The following OTUD7A variants were observed in gnomAD, a reference collection of about 807,000 sequenced individuals.
OTUD7A encodes OTU deubiquitinase 7A.
Under a neutral mutation model 65.7 loss-of-function variants are expected in OTUD7A, and 12 were observed. That is an observed-to-expected ratio of 0.18 (90% confidence interval 0.12 to 0.30). The LOEUF is 0.30. OTUD7A is among the 10% of genes least tolerant of loss of function. OTUD7A has a pLI of 1.00. For missense variants in OTUD7A, 1,148 were observed against 1,304.8 expected, an observed-to-expected ratio of 0.88 and a Z score of 1.85; for synonymous variants, 641 against 586.3, an observed-to-expected ratio of 1.09 and a Z score of -1.35.
At chr15:31,822,822 G>T (rs534903840) in intron 1 of OTUD7A, among the ~76,000 whole-genome samples, 47 of 152,302 alleles carry the variant, frequency 3.1e-4, no homozygotes, top group Admixed American at 3.1e-3. Flanking sequence ...TCTTTGTATA[G>T]ACTTGACCTC....
At chr15:31,783,509 C>T (rs1447818674) in intron 1 of OTUD7A, among the ~76,000 whole-genome samples, 8 of 152,208 alleles carry the variant, frequency 5.3e-5, no homozygotes, top group Admixed American at 3.3e-4. Context: ...ATCAAACACT[C>T]AAACTTACAA....
chr15:31,563,130 C>T (rs1888748867), intron 4 of OTUD7A, among the ~76,000 whole-genome samples: 1 of 152,120 alleles, frequency 6.6e-6, no homozygotes, highest in Non-Finnish European at 1.5e-5. Context: ...TTACTAGGCC[C>T]TGATTCTGCC....
intron 8 of OTUD7A, among the ~76,000 whole-genome samples, chr15:31,525,188 G>A (rs1305870452): frequency 1.3e-5 from 2 of 152,170 alleles, no homozygotes; most frequent in African/African-American, 4.8e-5. Context: ...AAACGATGTC[G>A]AGGAACACTT....
intron 1 of OTUD7A, among the ~76,000 whole-genome samples, chr15:31,676,607 C>A (rs952014974): frequency 2.6e-5 from 4 of 152,112 alleles, no homozygotes; most frequent in African/African-American, 9.7e-5. Flanking sequence ...GTCAAGAGAA[C>A]CTGAAAGATG....
chr15:31,618,248 T>G, intron 3 of OTUD7A, among the ~76,000 whole-genome samples: 1 of 152,220 alleles, frequency 6.6e-6, no homozygotes, highest in African/African-American at 2.4e-5. Context: ...TACATGTGCA[T>G]GTGTCTTTAT....
At chr15:31,767,734 A>T in intron 1 of OTUD7A, 2 of 712,992 alleles carry the variant, frequency 2.8e-6, no homozygotes, top group Non-Finnish European at 5.2e-6. Context: ...TTTTCTCGGC[A>T]TTTTCCTGAG....
At chr15:31,839,587 A>T (rs113705229) in intron 1 of OTUD7A, among the ~76,000 whole-genome samples, 2 of 152,218 alleles carry the variant, frequency 1.3e-5, no homozygotes, top group Non-Finnish European at 2.9e-5. Context: ...GCACCTGCAC[A>T]GAAGCACGTG....
At chr15:31,815,882 T>C (rs1896536120) in intron 1 of OTUD7A, among the ~76,000 whole-genome samples, 1 of 152,216 alleles carries the variant, frequency 6.6e-6, no homozygotes, top group African/African-American at 2.4e-5. Flanking sequence ...CTCTCTCTCT[T>C]TGCCCATAGG....
intron 1 of OTUD7A, among the ~76,000 whole-genome samples, chr15:31,680,841 C>T (rs939719642): frequency 3.9e-5 from 6 of 151,914 alleles, no homozygotes; most frequent in African/African-American, 1.5e-4. Flanking sequence ...GCACAAACCC[C>T]GGGGAAAGGC....
At chr15:31,527,429 C>T (rs2042030377) in intron 6 of OTUD7A, 121 bp from the exon 7 acceptor site, 3 of 1,308,436 alleles carry the variant, frequency 2.3e-6, no homozygotes, top group Non-Finnish European at 3.1e-6. Flanking sequence ...AGAACAGCCT[C>T]CTTACTCAGC....
At position 31,487,301 on chromosome 15, in the gene OTUD7A, T is replaced by C; in HGVS notation, c.1287-23A>G. ...AGGCTGGCAAGAGAAGAATATCCTA[T>C]TGAAATGGTCTGAGCTGGCCCTTAT... On this transcript the variant is annotated intron_variant, in intron 11 of 12. Transcript: ENST00000307050. This position sits in a 1 kb window ranked among gnomAD's most constrained non-coding sequence, Gnocchi z 6.0. 6.2e-7 allele frequency: 1 copy of C among 1,612,670 alleles called. No homozygotes were observed. Among genetic ancestry groups the C allele is most frequent in the Non-Finnish European group, 8.5e-7 (1 of 1,178,866 alleles).
At chr15:31,560,110 T>C (rs1888641623) in intron 4 of OTUD7A, among the ~76,000 whole-genome samples, 1 of 152,254 alleles carries the variant, frequency 6.6e-6, no homozygotes, top group Non-Finnish European at 1.5e-5. Flanking sequence ...CTCCCAGGAC[T>C]AAATGGTACA....
rs778782844 is a variant in OTUD7A at position 31,484,636 on chromosome 15, G to A, written c.1460C>T (p.Ser487Leu). 2 of 1,590,330 alleles carry A rather than the reference G, an allele frequency of 1.3e-6. No individual in the cohort carries two copies. Among genetic ancestry groups the A allele is most frequent in the Admixed American group, 1.8e-5 (1 of 56,990 alleles). The stretch of plus-strand genomic sequence containing the variant: ...ATTGCTGTTAGAATTGCTGCACACC[G>A]AATCGCGGTCCGAGTCCAGCGAGTC... ...LADSLDSDRD[S>L]VCSNSNSNNG... The change falls in exon 13 of 13, where the codon TCG becomes TTG. Residue 487 changes from serine (S) to leucine (L), a missense_variant. Around this residue, in one of 6 missense-constraint regions of OTUD7A, gnomAD observed 842 missense variants for 769.5 expected, o/e 1.09. Coordinates refer to ENST00000307050, the MANE Select transcript of OTUD7A (RefSeq NM_001382637.1). The surrounding 1 kb of genome is among the most constrained non-coding windows in gnomAD (Gnocchi z 4.5).
intron 1 of OTUD7A, among the ~76,000 whole-genome samples, chr15:31,836,595 C>T (rs1897060601): frequency 6.6e-6 from 1 of 152,092 alleles, no homozygotes; most frequent in South Asian, 2.1e-4. Flanking sequence ...CAAACCTCCA[C>T]AAAATATTAG....
chr15:31,627,407 A>G (rs1172253856), intron 3 of OTUD7A, among the ~76,000 whole-genome samples: 1 of 151,984 alleles, frequency 6.6e-6, no homozygotes, highest in Admixed American at 6.6e-5. Context: ...ATGTCCCTAC[A>G]AAGGACATGA....
intron 1 of OTUD7A, among the ~76,000 whole-genome samples, chr15:31,801,831 T>C (rs1453609371): frequency 1.3e-5 from 2 of 152,162 alleles, no homozygotes; most frequent in Admixed American, 6.5e-5. Context: ...TCATGATAAA[T>C]AAATGTAAAA....
intron 1 of OTUD7A, among the ~76,000 whole-genome samples, chr15:31,779,952 C>G (rs1895493523): frequency 6.6e-6 from 1 of 152,096 alleles, no homozygotes; most frequent in South Asian, 2.1e-4. Context: ...TTGGAGTCTT[C>G]TCAGTGCACC....
rs2041469912 is a variant in OTUD7A at position 31,501,787 on chromosome 15, G to A, written c.1074C>T (p.Pro358=). 6.2e-7 allele frequency: 1 copy of A among 1,614,168 alleles called. No homozygotes were observed. The highest frequency in any genetic ancestry group is 1.7e-5 in the Admixed American group (1 of 60,028). The change falls in exon 10 of 13, where the codon CCC becomes CCT. Residue 358 remains proline (P), a synonymous_variant. Transcript: ENST00000307050. ...GGIYLPLEVP[P]NRCHCSPLVL... is the part of the protein sequence containing the mutation. ...CCAGAGGCGAGCAGTGGCATCTGTT[G>A]GGAGGGACCTCCAAGGGCAGGTAGA...
intron 1 of OTUD7A, among the ~76,000 whole-genome samples, chr15:31,701,574 T>C (rs1893214886): frequency 6.6e-6 from 1 of 151,608 alleles, no homozygotes; most frequent in Non-Finnish European, 1.5e-5. Context: ...ACCAATTCCT[T>C]GAGAAGCCCA....
Sources: gnomAD v4.1 joint callset for allele counts (sites outside exome capture counted in the v4.1 genomes callset) on GRCh38, gnomAD v4.1.1 for gene constraint, gnomAD v4.1.1 regional missense constraint, Gnocchi (gnomAD v3.1) non-coding constraint, MANE v1.5 for transcripts, NCBI Gene and HGNC (gene_info 2026-07-23, HGNC 2026-07-21) for gene names.